WWP1: variants seen among roughly 807,000 people sequenced by gnomAD.
WWP1 encodes the protein NEDD4-like E3 ubiquitin-protein ligase WWP1.
In WWP1, 49 loss-of-function variants were observed where a neutral mutation model predicts 130.6. That is an observed-to-expected ratio of 0.38 (90% confidence interval 0.30 to 0.48). The LOEUF (loss-of-function observed/expected upper bound fraction) is 0.48, where lower values mean the gene tolerates loss of function less well. Ranked by LOEUF, WWP1 falls within the 20% of genes least tolerant of loss-of-function variation. The probability of loss-of-function intolerance (pLI) is 0.99; values close to 1 mark genes in which losing one functional copy is unlikely to be tolerated. For missense variants in WWP1, 809 were observed against 1,100.6 expected (o/e 0.74, Z 3.75); for synonymous variants, 332 against 367.8 (o/e 0.90, Z 1.11).
chr8:86,372,570 T>C (rs1480997611), intron 2 of WWP1, among the ~76,000 whole-genome samples: 2 of 152,232 alleles, frequency 1.3e-5, no homozygotes, highest in Non-Finnish European at 2.9e-5. Context: ...TTCCCTTTCA[T>C]ATTTATGTCA....
Position 86,394,933 on chromosome 8 carries a change from T to TAAAA in WWP1, c.335-3390_335-3387dup, listed in dbSNP as rs10694206. Among the ~76,000 whole-genome samples, 732 of 76,260 alleles carry TAAAA rather than the reference T, an allele frequency of 9.6e-3. 29 individuals are homozygous for TAAAA. Among genetic ancestry groups the TAAAA allele is most frequent in the South Asian group, 0.025 (40 of 1,606 alleles). 50.0% of individuals were successfully genotyped at this position (76,260 alleles called of 152,430 possible). A position where few individuals can be genotyped will look rare whatever the true frequency, so the allele number is the denominator to read the frequency against. ...CAAAAAGGTAGAGGGCTGTTCTTCTTAAAAAAAAAAAAAAAAAAAAAAGCC... is the reference window on the plus strand; with the variant it reads ...CAAAAAGGTAGAGGGCTGTTCTTCTTAAAAAAAAAAAAAAAAAAAAAAAAAAGCC... On this transcript the variant is annotated intron_variant, in intron 5 of 24. Coordinates refer to ENST00000517970, the MANE Select transcript of WWP1 (RefSeq NM_007013.4).
intron 22 of WWP1, among the ~76,000 whole-genome samples, 174 bp downstream of exon 22, chr8:86,458,199 G>A (rs1229277944): frequency 6.6e-6 from 1 of 152,082 alleles, no homozygotes; most frequent in Admixed American, 6.5e-5. Context: ...ACTTTCTATT[G>A]CTTCTTTGAC....
chr8:86,403,741 T>TA (rs1015260129), intron 8 of WWP1, among the ~76,000 whole-genome samples: 219 of 142,244 alleles, frequency 1.5e-3, no homozygotes, highest in African/African-American at 1.5e-3. Flanking sequence ...ATGCTCCCCT[T>TA]AAAAAAAAAA....
chr8:86,435,420 A>C (rs759494186), intron 14 of WWP1, 32 bp from the exon 15 acceptor site: 1 of 1,603,880 alleles, frequency 6.2e-7, no homozygotes. Context: ...CTTTATTATG[A>C]GTTAATTTGG....
intron 8 of WWP1, among the ~76,000 whole-genome samples, chr8:86,406,732 T>C (rs1275326873): frequency 6.6e-6 from 1 of 152,130 alleles, no homozygotes; most frequent in Non-Finnish European, 1.5e-5. Flanking sequence ...TCAATCCAGG[T>C]ACAGAACTGT....
intron 18 of WWP1, among the ~76,000 whole-genome samples, chr8:86,445,608 G>A (rs1810818223): frequency 6.6e-6 from 1 of 152,142 alleles, no homozygotes; most frequent in Non-Finnish European, 1.5e-5. Flanking sequence ...GAGTAGCGCT[G>A]TGGGGAACAT....
At position 86,461,770 on chromosome 8, in the gene WWP1, G is replaced by A. The variant is rs890081909; in HGVS notation, c.2597-4G>A. 1.9e-6 allele frequency: 3 copies of A among 1,613,474 alleles called. No individual in the cohort carries two copies. Among genetic ancestry groups the A allele is most frequent in the Non-Finnish European group, 2.5e-6 (3 of 1,179,578 alleles). On this transcript the variant is annotated splice_region_variant and splice_polypyrimidine_tract_variant and intron_variant, in intron 23 of 24. Coordinates refer to ENST00000517970, the MANE Select transcript of WWP1 (RefSeq NM_007013.4). ...ATAAACTTTGTCTTATTTTCTTGGTGTAGGAAGTAATGGGCCTCAAAAGTT... is the reference window on the plus strand; with the variant it reads ...ATAAACTTTGTCTTATTTTCTTGGTATAGGAAGTAATGGGCCTCAAAAGTT...
rs565696106 is a variant in WWP1, at chr8:86,363,788, C to A, written c.-114-5151C>A. Among the ~76,000 whole-genome samples the A allele has an allele frequency of 6.4e-5, 9 of 140,498 alleles. No individual in the cohort carries two copies. In the South Asian group the frequency reaches 2.0e-3, roughly 32 times the overall value. The allele number at this position is 140,498 out of a possible 152,430, so 92.2% of individuals were successfully genotyped here. ...TCAGCCTGGGTGACAGAGTGAGACT[C>A]CATCTCAAAAAAAAAAAAAAAAAAA... On this transcript the variant is annotated intron_variant, in intron 1 of 24. Coordinates refer to ENST00000517970, the MANE Select transcript of WWP1 (RefSeq NM_007013.4).
At chr8:86,413,600 G>A (rs1478549824) in intron 9 of WWP1, among the ~76,000 whole-genome samples, 1 of 152,178 alleles carries the variant, frequency 6.6e-6, no homozygotes, top group Non-Finnish European at 1.5e-5. Context: ...GTGGAGGCAC[G>A]AGTGGTGAAA....
chr8:86,419,662 G>T (rs1023591928), intron 9 of WWP1, among the ~76,000 whole-genome samples: 2 of 152,132 alleles, frequency 1.3e-5, no homozygotes, highest in African/African-American at 4.8e-5. Flanking sequence ...ATGGGAGGAA[G>T]TCCTTAACAA....
Position 86,448,497 on chromosome 8 carries a change from A to C in WWP1, c.2257A>C (p.Lys753Gln). The C allele has an allele frequency of 6.2e-7, 1 of 1,613,416 alleles. No homozygotes were observed. The highest frequency in any genetic ancestry group is 8.5e-7 in the Non-Finnish European group (1 of 1,179,798). The change falls in exon 20 of 25, where the codon AAA (lysine) becomes CAA (glutamine). Residue 753 changes from lysine (K) to glutamine (Q), a missense_variant. Coordinates refer to ENST00000517970, the MANE Select transcript of WWP1 (RefSeq NM_007013.4). Reference sequence around the variant, plus strand: ...CAATATTCTGGTGACTGAGGAGAACAAAGATGAATATATTGGGTAAGGTGA... The same window carrying C: ...CAATATTCTGGTGACTGAGGAGAACCAAGATGAATATATTGGGTAAGGTGA... ...GSNILVTEENKDEYIGLMTEW... is the reference protein window; with the variant it reads ...GSNILVTEENQDEYIGLMTEW...
chr8:86,442,840 T>TA (rs1810661820), intron 18 of WWP1, 62 bp downstream of exon 18: 81 of 1,400,128 alleles, frequency 5.8e-5, no homozygotes, highest in East Asian at 5.1e-4. Flanking sequence ...GAGAAGGCTT[T>TA]TAAAAAAAAA....
chr8:86,448,513 G>A lies in WWP1; in HGVS notation c.2273G>A (p.Gly758Asp). Reference protein sequence around the residue: ...VTEENKDEYIGLMTEWRFSRG... With the variant: ...VTEENKDEYIDLMTEWRFSRG... Reference sequence around the variant, plus strand: ...GAGGAGAACAAAGATGAATATATTGGGTAAGGTGATATACCTTATTAAGCT... The same window carrying A: ...GAGGAGAACAAAGATGAATATATTGAGTAAGGTGATATACCTTATTAAGCT... The change falls in exon 20 of 25, where the codon GGT becomes GAT. Residue 758 changes from glycine (G) to aspartate (D), a missense_variant and splice_region_variant. This residue lies in a region of WWP1 where 450 missense variants were observed against 674.2 expected (regional missense o/e 0.67). Coordinates refer to ENST00000517970, the MANE Select transcript of WWP1 (RefSeq NM_007013.4). 1 of 1,612,608 alleles carries A rather than the reference G, an allele frequency of 6.2e-7. No homozygotes were observed. The highest frequency in any genetic ancestry group is 8.5e-7 in the Non-Finnish European group (1 of 1,179,428).
rs138927576 is a variant in WWP1 at position 86,344,606 on chromosome 8, C to A, written c.-115+1676C>A. On this transcript the variant is annotated intron_variant, in intron 1 of 24. Transcript: ENST00000517970. ...TTCATAAATGGTACCAAAATCCTCTCAGAAGTCAACTTCAAAGAGAGTAGA... is the reference window on the plus strand; with the variant it reads ...TTCATAAATGGTACCAAAATCCTCTAAGAAGTCAACTTCAAAGAGAGTAGA... 6.3e-4 allele frequency among the ~76,000 whole-genome samples: 96 copies of A among 152,244 alleles called. 1 individual carries two copies. The highest frequency in any genetic ancestry group is 2.1e-3 in the African/African-American group (87 of 41,538).
At chr8:86,362,146 C>CAT (rs1411489917) in intron 1 of WWP1, among the ~76,000 whole-genome samples, 9 of 79,782 alleles carry the variant, frequency 1.1e-4, no homozygotes, top group East Asian at 1.0e-3. Flanking sequence ...ATATACTAGG[C>CAT]ATATATATAT....
chr8:86,431,043 ATATAT>A (rs1809936469), intron 12 of WWP1, among the ~76,000 whole-genome samples: 1 of 135,602 alleles, frequency 7.4e-6, no homozygotes. Context: ...TTATATATGT[ATATAT>A]TATAAGGGAT....
chr8:86,435,680 A>T lies in WWP1; in HGVS notation c.1725A>T (p.Thr575=), dbSNP rs1431934564. Residue 575 remains threonine, a synonymous_variant, in exon 16 of 25, where the codon ACA becomes ACT. Coordinates refer to ENST00000517970, the MANE Select transcript of WWP1 (RefSeq NM_007013.4). ...TAAAGATCAATGTGTCCCGGCAGAC[A>T]TTGTTTGAAGATTCCTTCCAACAGG... ...SHVKINVSRQ[T]LFEDSFQQIM... is the part of the protein sequence containing the mutation. The T allele has an allele frequency of 6.2e-7, 1 of 1,612,292 alleles. No homozygotes were observed. Among genetic ancestry groups the T allele is most frequent in the Non-Finnish European group, 8.5e-7 (1 of 1,179,776 alleles).
chr8:86,425,068 A>C (rs1202512463), intron 9 of WWP1, among the ~76,000 whole-genome samples, 155 bp from the exon 10 acceptor site: 1 of 151,900 alleles, frequency 6.6e-6, no homozygotes, highest in Admixed American at 6.6e-5. Flanking sequence ...ACACTTCTGT[A>C]TATATATATA....
At chr8:86,442,023 T>C (rs1810619641) in intron 17 of WWP1, among the ~76,000 whole-genome samples, 1 of 152,192 alleles carries the variant, frequency 6.6e-6, no homozygotes, top group African/African-American at 2.4e-5. Context: ...AATTTTAGTT[T>C]CATTTTTAAT....
Sources: gnomAD v4.1 joint callset for allele counts (sites outside exome capture counted in the v4.1 genomes callset) on GRCh38, gnomAD v4.1.1 for gene constraint, gnomAD v4.1.1 regional missense constraint, MANE v1.5 for transcripts, NCBI Gene and HGNC (gene_info 2026-07-23, HGNC 2026-07-21) for gene names.